The following CCDC102B variants were observed in gnomAD, a reference collection of about 807,000 sequenced individuals.
The protein encoded by CCDC102B is coiled-coil domain-containing protein 102B.
In CCDC102B, 75 loss-of-function variants were observed where a neutral mutation model predicts 57.4. That is an observed-to-expected ratio of 1.31 (90% CI 1.08 to 1.58). The LOEUF is 1.58. CCDC102B is among the 40% of genes most tolerant of loss of function. CCDC102B has a pLI of 0.00. For synonymous variants in CCDC102B, 206 were observed against 201.9 expected (o/e 1.02, Z -0.17); for missense variants, 636 against 582.6 (o/e 1.09, Z -0.94).
intron 6 of CCDC102B, among the ~76,000 whole-genome samples, chr18:68,916,958 C>T (rs951601354): frequency 1.3e-5 from 2 of 152,002 alleles, no homozygotes; most frequent in African/African-American, 4.8e-5. Flanking sequence ...TAGAGTGAGT[C>T]GGTGAGCACA....
upstream of CCDC102B, among the ~76,000 whole-genome samples, chr18:68,795,664 CA>C (rs2035605972): frequency 6.6e-6 from 1 of 152,114 alleles, no homozygotes; most frequent in Admixed American, 6.6e-5. Context: ...TATGAGGATA[CA>C]AGTCCTTGGA....
chr18:68,874,585 A>G lies in CCDC102B; in HGVS notation c.937-84A>G. The G allele has an allele frequency of 3.8e-6, 3 of 793,318 alleles. No homozygotes were observed. The South Asian group carries it at 5.1e-5, about 13-fold the overall frequency. 49.1% of individuals were successfully genotyped at this position (793,318 alleles called of 1,614,324 possible). A position where few individuals can be genotyped will look rare whatever the true frequency, so the allele number is the denominator to read the frequency against. ...ATAGGAAAAAGGCAAAACAACACTA[A>G]AGCTAAATGAAGGACTAATGTGGAT... On this transcript the variant is annotated intron_variant, in intron 4 of 7. Coordinates refer to ENST00000360242, the MANE Select transcript of CCDC102B (RefSeq NM_024781.3).
At chr18:68,905,432 A>G (rs2040592681) in intron 6 of CCDC102B, among the ~76,000 whole-genome samples, 1 of 151,224 alleles carries the variant, frequency 6.6e-6, no homozygotes, top group African/African-American at 2.4e-5. Context: ...AGTTAAAATC[A>G]TAAGATTAGT....
At chr18:69,043,999 T>A (rs866342648) in intron 7 of CCDC102B, among the ~76,000 whole-genome samples, 2 of 152,140 alleles carry the variant, frequency 1.3e-5, no homozygotes, top group African/African-American at 4.8e-5. Flanking sequence ...AGTGATTTTT[T>A]AAAAACATTC....
At chr18:68,958,224 A>G (rs1338598796) in intron 6 of CCDC102B, among the ~76,000 whole-genome samples, 1 of 152,224 alleles carries the variant, frequency 6.6e-6, no homozygotes, top group Non-Finnish European at 1.5e-5. Context: ...TGGCAATTCA[A>G]GATGAGATTT....
chr18:68,759,595 A>G (rs1305958860), intron 2 of CCDC102B, among the ~76,000 whole-genome samples: 1 of 152,128 alleles, frequency 6.6e-6, no homozygotes, highest in Non-Finnish European at 1.5e-5. Flanking sequence ...TGCTAAGTAT[A>G]GAATTCTATA....
chr18:68,762,821 T>C (rs2034297396), intron 2 of CCDC102B, among the ~76,000 whole-genome samples: 1 of 152,014 alleles, frequency 6.6e-6, no homozygotes, highest in Non-Finnish European at 1.5e-5. Context: ...GGCGTTAAAT[T>C]TGTGGGTGGA....
At position 68,983,317 on chromosome 18, in the gene CCDC102B, G is replaced by C. The variant is rs1018175466; in HGVS notation, c.1264-27617G>C. ...CATTTGGCAGTTGACCAGTTAATTT[G>C]ATCAATGCAGATGCCAAACAATATT... On this transcript the variant is annotated intron_variant, in intron 6 of 7. Coordinates refer to ENST00000360242, the MANE Select transcript of CCDC102B (RefSeq NM_024781.3). Among the ~76,000 whole-genome samples the C allele has an allele frequency of 4.6e-5, 7 of 151,822 alleles. No individual in the cohort carries two copies. The South Asian group carries it at 6.2e-4, about 13-fold the overall frequency.
intron 6 of CCDC102B, among the ~76,000 whole-genome samples, chr18:68,933,507 G>GT (rs1336668380): frequency 1.2e-4 from 18 of 151,830 alleles, no homozygotes; most frequent in African/African-American, 4.1e-4. Flanking sequence ...ACTTTCTTGG[G>GT]TATTGACATT....
chr18:68,750,688 T>C (rs1446235945), intron 2 of CCDC102B, among the ~76,000 whole-genome samples: 2 of 150,310 alleles, frequency 1.3e-5, no homozygotes, highest in Non-Finnish European at 2.9e-5. Context: ...CTCAGCAAAC[T>C]ATCACAAGGA....
At chr18:68,722,039 C>G (rs1162993391) in intron 2 of CCDC102B, among the ~76,000 whole-genome samples, 1 of 152,200 alleles carries the variant, frequency 6.6e-6, no homozygotes, top group Non-Finnish European at 1.5e-5. Flanking sequence ...AGGGATTGTT[C>G]TGTGAAGTAA....
intron 6 of CCDC102B, among the ~76,000 whole-genome samples, chr18:68,911,623 G>A (rs1431022117): frequency 6.7e-6 from 1 of 149,632 alleles, no homozygotes; most frequent in Admixed American, 6.6e-5. Flanking sequence ...GTGGTGGCGG[G>A]CGCCTGTAGT....
chr18:68,984,266 G>A (rs2050667536), intron 6 of CCDC102B, among the ~76,000 whole-genome samples: 1 of 151,864 alleles, frequency 6.6e-6, no homozygotes, highest in Non-Finnish European at 1.5e-5. Context: ...AGCCCCTACA[G>A]TTTCAAAGTT....
Position 68,730,407 on chromosome 18 carries a change from T to C in CCDC102B, c.-67+13813T>C, listed in dbSNP as rs1599379216. ...ATATTACATTTAATTAGGTTATTCA[T>C]TTTTATAGACTTAGTCCAAGAGGAT... On this transcript the variant is annotated intron_variant, in intron 2 of 3. Transcript: ENST00000578970. Among the ~76,000 whole-genome samples the C allele has an allele frequency of 2.0e-5, 3 of 152,320 alleles. No individual in the cohort carries two copies. The East Asian group carries it at 5.8e-4, about 29-fold the overall frequency.
chr18:68,945,408 C>T (rs1236579225), intron 6 of CCDC102B, among the ~76,000 whole-genome samples: 3 of 151,998 alleles, frequency 2.0e-5, no homozygotes, highest in Non-Finnish European at 4.4e-5. Flanking sequence ...ATGTGATTTG[C>T]TTACCATGAG....
intron 2 of CCDC102B, among the ~76,000 whole-genome samples, chr18:68,739,470 C>A (rs1314670992): frequency 6.6e-6 from 1 of 152,184 alleles, no homozygotes; most frequent in Admixed American, 6.5e-5. Flanking sequence ...TGGCAGGTGA[C>A]ATGAGAGTCT....
At chr18:68,720,888 C>T (rs1328631065) in intron 2 of CCDC102B, among the ~76,000 whole-genome samples, 1 of 152,090 alleles carries the variant, frequency 6.6e-6, no homozygotes, top group Non-Finnish European at 1.5e-5. Flanking sequence ...CCTGGGCAAA[C>T]TAGCGAGCCC....
At chr18:68,921,361 T>A (rs1262980319) in intron 6 of CCDC102B, among the ~76,000 whole-genome samples, 2 of 150,538 alleles carry the variant, frequency 1.3e-5, no homozygotes, top group Non-Finnish European at 2.9e-5. Context: ...TCTCTCTCTT[T>A]GCCTGATTAA....
intron 6 of CCDC102B, among the ~76,000 whole-genome samples, chr18:68,990,442 A>G (rs1158270153): frequency 6.6e-6 from 1 of 152,196 alleles, no homozygotes; most frequent in African/African-American, 2.4e-5. Context: ...GGGAAGACCA[A>G]GAATCCATTC....
Sources: allele counts gnomAD v4.1 joint callset (sites outside exome capture counted in the v4.1 genomes callset), GRCh38; gene constraint gnomAD v4.1.1; transcripts MANE v1.5; gene names NCBI Gene and HGNC (gene_info 2026-07-23, HGNC 2026-07-21).